Variants in WNT2B observed in about 807,000 individuals in gnomAD.
WNT2B encodes Wnt family member 2B, also known as protein Wnt-2b.
Under a neutral mutation model 40.5 loss-of-function variants are expected in WNT2B, and 19 were observed. The ratio of observed to expected loss-of-function variants is 0.47; its 90% CI spans 0.33 to 0.69. The LOEUF (loss-of-function observed/expected upper bound fraction) is 0.69, where lower values mean the gene tolerates loss of function less well. WNT2B is among the 30% of genes least tolerant of loss of function. The pLI is 0.02. For synonymous variants in WNT2B, 220 were observed against 211.9 expected (o/e 1.04, Z -0.33); for missense variants, 467 against 556.4 (o/e 0.84, Z 1.62).
intron 1 of WNT2B, among the ~76,000 whole-genome samples, chr1:112,492,361 G>A (rs954905549): frequency 2.6e-5 from 4 of 152,184 alleles, no homozygotes; most frequent in African/African-American, 9.7e-5. Flanking sequence ...GCTTACCAGA[G>A]CAGAAACCCA....
At chr1:112,513,136 A>C (rs58118553) in intron 1 of WNT2B, among the ~76,000 whole-genome samples, 23,427 of 151,750 alleles carry the variant, frequency 0.15, 2,474 homozygotes, top group East Asian at 0.38. Flanking sequence ...AAAACAAAAA[A>C]ACACACCCAT....
At chr1:112,491,844 T>C (rs867345521) in intron 1 of WNT2B, among the ~76,000 whole-genome samples, 46 of 152,270 alleles carry the variant, frequency 3.0e-4, no homozygotes, top group Non-Finnish European at 5.4e-4. Context: ...TGAGCCATGA[T>C]TGTGCCACCG....
intron 1 of WNT2B, chr1:112,491,196 G>A (rs771475589): frequency 3.0e-6 from 3 of 987,142 alleles, no homozygotes; most frequent in Admixed American, 2.1e-5. Context: ...GATCACAAGG[G>A]CAAGAGTTCG....
intron 1 of WNT2B, among the ~76,000 whole-genome samples, chr1:112,495,306 G>A (rs1057459648): frequency 1.3e-5 from 2 of 151,912 alleles, no homozygotes; most frequent in South Asian, 4.1e-4. Context: ...GCCAGGCGTG[G>A]TGGCTCACGT....
At chr1:112,488,909 C>T (rs1016152747) in intron 1 of WNT2B, among the ~76,000 whole-genome samples, 2 of 151,974 alleles carry the variant, frequency 1.3e-5, no homozygotes, top group African/African-American at 4.8e-5. Context: ...AGGCTGGTCT[C>T]CAACTTCTGG....
At chr1:112,477,789 T>G (rs1651096781) in intron 1 of WNT2B, among the ~76,000 whole-genome samples, 1 of 151,668 alleles carries the variant, frequency 6.6e-6, no homozygotes, top group East Asian at 1.9e-4. Context: ...CAAAATAATT[T>G]TAAAAAAAAA....
At chr1:112,508,271 G>A (rs1652189595), upstream of WNT2B, among the ~76,000 whole-genome samples, 1 of 151,722 alleles carries the variant, frequency 6.6e-6, no homozygotes, top group African/African-American at 2.4e-5. The surrounding 1 kb of genome is among the most constrained non-coding windows in gnomAD (Gnocchi z 4.2). Flanking sequence ...AGTAAGGGGC[G>A]GGGAGTCCGC....
At chr1:112,500,674 A>C (rs1389999485) in intron 1 of WNT2B, among the ~76,000 whole-genome samples, 1 of 152,126 alleles carries the variant, frequency 6.6e-6, no homozygotes, top group South Asian at 2.1e-4. Flanking sequence ...CGGGAGACTG[A>C]GGAGGGAAGA....
rs566623200 is a variant in WNT2B, at chr1:112,478,549, T to C, written c.-95+10958T>C. Among the ~76,000 whole-genome samples the C allele has an allele frequency of 2.0e-5, 3 of 151,978 alleles. No homozygotes were observed. The South Asian group carries it at 6.3e-4, about 32-fold the overall frequency. On this transcript the variant is annotated intron_variant, in intron 1 of 4. Transcript: ENST00000256640. ...AGAAAACTTGCTGACCAGGAGAAAA[T>C]AGGGTGATATAACCCAAGTACTGAA...
rs10634267 is a variant in WNT2B, at chr1:112,519,872, C to CTTCTTTTTTT, written c.947-406_947-405insCTTTTTTTTT. On this transcript the variant is annotated intron_variant, in intron 4 of 4. Transcript: ENST00000369684. ...CAAGATGATGTCAGAGCCCATGCTT[C>CTTCTTTTTTT]TTTTTTTTTTTTTTTTTTTTGGAGA... is the stretch of plus-strand genomic sequence containing the variant. Among the ~76,000 whole-genome samples the CTTCTTTTTTT allele has an allele frequency of 1.8e-3, 210 of 115,604 alleles. 3 individuals are homozygous for CTTCTTTTTTT. The highest frequency in any genetic ancestry group is 5.3e-3 in the East Asian group (20 of 3,794). 75.8% of individuals were successfully genotyped at this position (115,604 alleles called of 152,430 possible).
intron 1 of WNT2B, among the ~76,000 whole-genome samples, chr1:112,496,899 C>T (rs1651793651): frequency 6.6e-6 from 1 of 152,130 alleles, no homozygotes; most frequent in African/African-American, 2.4e-5. Flanking sequence ...GTGCCCAGCC[C>T]AGGACTTACA....
At chr1:112,482,770 A>G (rs1651266771) in intron 1 of WNT2B, among the ~76,000 whole-genome samples, 2 of 152,234 alleles carry the variant, frequency 1.3e-5, no homozygotes, top group Admixed American at 6.5e-5. Context: ...TAAAATTATA[A>G]AACATTGAAG....
At position 112,526,122 on chromosome 1, in the gene WNT2B, G is replaced by C. The variant is rs1386837299; in HGVS notation, c.*5613G>C. 4 of 1,613,932 alleles carry C rather than the reference G, an allele frequency of 2.5e-6. No homozygotes were observed. The African/African-American group carries it at 5.3e-5, about 22-fold the overall frequency. On this transcript the variant is annotated 3_prime_UTR_variant, in exon 5 of 5. Transcript: ENST00000369684. ...CCAGAGTCCCAGCACCTTCAAAACAGAAATTGATACAAAATGTTCAAGCCC... is the reference window on the plus strand; with the variant it reads ...CCAGAGTCCCAGCACCTTCAAAACACAAATTGATACAAAATGTTCAAGCCC...
At chr1:112,488,494 A>T (rs1651489426) in intron 1 of WNT2B, among the ~76,000 whole-genome samples, 1 of 150,500 alleles carries the variant, frequency 6.6e-6, no homozygotes, top group Admixed American at 6.6e-5. Context: ...ATAACTAAAG[A>T]GTGTTTAGTG....
rs1469142698 is a variant in WNT2B, at chr1:112,520,384, C to T, written c.1051C>T (p.Arg351Cys). 2.5e-6 allele frequency: 4 copies of T among 1,614,080 alleles called. No homozygotes were observed. The highest frequency in any genetic ancestry group is 1.7e-6 in the Non-Finnish European group (2 of 1,180,026). The change falls in exon 5 of 5, where the codon CGT (arginine) becomes TGT (cysteine). Residue 351 changes from arginine (R) to cysteine (C), a missense_variant. Around this residue, in one of 2 missense-constraint regions of WNT2B, gnomAD observed 330 missense variants for 438.6 expected, o/e 0.75. Transcript: ENST00000369684. ...GRGYDTTRVT[R>C]VTQCECKFHW... ...AGGGTACGACACAACTCGAGTCACCCGTGTTACCCAGTGTGAGTGCAAATT... is the reference window on the plus strand; with the variant it reads ...AGGGTACGACACAACTCGAGTCACCTGTGTTACCCAGTGTGAGTGCAAATT...
intron 1 of WNT2B, among the ~76,000 whole-genome samples, chr1:112,501,342 T>G (rs556632631): frequency 6.6e-6 from 1 of 152,338 alleles, no homozygotes; most frequent in Admixed American, 6.5e-5. Flanking sequence ...GAAGTTGCTT[T>G]TCCCCTCCAC....
At position 112,523,139 on chromosome 1, in the gene WNT2B, A is replaced by G. The variant is rs543239284; in HGVS notation, c.*2630A>G. ...CTTCCATAGGACGTCAACCTGACTT[A>G]AATCTACCTATACCCTACTCTCTAT... On this transcript the variant is annotated 3_prime_UTR_variant, in exon 5 of 5. Coordinates refer to ENST00000369684, the MANE Select transcript of WNT2B (RefSeq NM_024494.3). 2 of 152,364 alleles carry G rather than the reference A, an allele frequency of 1.3e-5. No individual in the cohort carries two copies. Among genetic ancestry groups the G allele is most frequent in the South Asian group, 4.1e-4 (2 of 4,834 alleles). 9.4% of individuals were successfully genotyped at this position (152,364 alleles called of 1,614,324 possible). A position where few individuals can be genotyped will look rare whatever the true frequency, so the allele number is the denominator to read the frequency against.
chr1:112,470,166 G>GTGT (rs1448302472), intron 1 of WNT2B, among the ~76,000 whole-genome samples: 2 of 152,144 alleles, frequency 1.3e-5, no homozygotes, highest in African/African-American at 4.8e-5. Flanking sequence ...GACAGGTCTG[G>GTGT]TGTTGATGAA....
chr1:112,492,834 C>T (rs770904396), intron 1 of WNT2B, among the ~76,000 whole-genome samples: 7 of 152,160 alleles, frequency 4.6e-5, no homozygotes, highest in Non-Finnish European at 8.8e-5. Context: ...GAAGCTTTTG[C>T]GAGGTGCGCA....
Sources: gnomAD v4.1 joint callset for allele counts (sites outside exome capture counted in the v4.1 genomes callset) on GRCh38, gnomAD v4.1.1 for gene constraint, gnomAD v4.1.1 regional missense constraint, Gnocchi (gnomAD v3.1) non-coding constraint, MANE v1.5 for transcripts, NCBI Gene and HGNC (gene_info 2026-07-23, HGNC 2026-07-21) for gene names.